The following RBFOX1 variants were observed in gnomAD, a reference collection of about 807,000 sequenced individuals.
RBFOX1 encodes the protein RNA binding protein fox-1 homolog 1.
RBFOX1 carries 8 observed loss-of-function variants against 57.7 expected under a neutral mutation model. That is an observed-to-expected ratio of 0.14 (90% CI 0.08 to 0.25). RBFOX1 has a LOEUF of 0.25. Ranked by LOEUF, RBFOX1 falls within the 10% of genes least tolerant of loss-of-function variation. The probability of loss-of-function intolerance (pLI) is 1.00; values close to 1 mark genes in which losing one functional copy is unlikely to be tolerated. For missense variants in RBFOX1, 611 were observed against 548.5 expected (o/e 1.11, Z -1.14); for synonymous variants, 326 against 222.4 (o/e 1.47, Z -4.15).
At chr16:5,433,227 T>C (rs986318115) in intron 1 of RBFOX1, among the ~76,000 whole-genome samples, 1 of 152,142 alleles carries the variant, frequency 6.6e-6, no homozygotes, top group Non-Finnish European at 1.5e-5. Context: ...TTGGAAGCTG[T>C]TACGGTGCAG....
At chr16:5,790,874 GT>G (rs199561677) in intron 3 of RBFOX1, among the ~76,000 whole-genome samples, 49,624 of 137,762 alleles carry the variant, frequency 0.36, 8,886 homozygotes, top group East Asian at 0.55. Flanking sequence ...TTTTTTTTTT[GT>G]TTTTTTTTTT....
At position 6,058,593 on chromosome 16, in the gene RBFOX1, C is replaced by T. The variant is rs139417231; in HGVS notation, c.-127+38601C>T. On this transcript the variant is annotated intron_variant, in intron 1 of 15. Transcript: ENST00000550418. The stretch of plus-strand genomic sequence containing the variant: ...ATCCATGTATTCATCCATCTATCTA[C>T]CCACCCATCCACCCATCCATCCACC... 4.9e-3 allele frequency among the ~76,000 whole-genome samples: 749 copies of T among 151,810 alleles called. 2 individuals carry two copies. Among genetic ancestry groups the T allele is most frequent in the South Asian group, 0.012 (57 of 4,806 alleles).
chr16:6,234,146 A>G (rs994134757), intron 1 of RBFOX1, among the ~76,000 whole-genome samples: 1 of 152,082 alleles, frequency 6.6e-6, no homozygotes, highest in Non-Finnish European at 1.5e-5. Context: ...CACCTCTTAA[A>G]GCCCCCACCT....
At chr16:5,568,902 G>C (rs540254627) in intron 2 of RBFOX1, among the ~76,000 whole-genome samples, 4 of 152,200 alleles carry the variant, frequency 2.6e-5, no homozygotes, top group African/African-American at 9.6e-5. Flanking sequence ...GTGCAGTGAC[G>C]CGATCTCAGA....
At chr16:5,760,272 G>C (rs944363756) in intron 3 of RBFOX1, among the ~76,000 whole-genome samples, 1 of 152,010 alleles carries the variant, frequency 6.6e-6, no homozygotes, top group African/African-American at 2.4e-5. Flanking sequence ...TAGGCACTAG[G>C]GGTAAATTGG....
intron 2 of RBFOX1, among the ~76,000 whole-genome samples, chr16:5,576,553 T>C (rs894639859): frequency 6.6e-6 from 1 of 152,226 alleles, no homozygotes; most frequent in Non-Finnish European, 1.5e-5. Context: ...TAAAGATGTG[T>C]ATCCTGCCCC....
intron 4 of RBFOX1, among the ~76,000 whole-genome samples, chr16:7,379,622 A>C (rs2097752674): frequency 6.6e-6 from 1 of 152,216 alleles, no homozygotes; most frequent in Admixed American, 6.5e-5. Context: ...TCTGTTGTAG[A>C]GGTGAGGCAG....
intron 2 of RBFOX1, among the ~76,000 whole-genome samples, chr16:6,601,604 C>G (rs1352133042): frequency 1.3e-5 from 2 of 152,124 alleles, no homozygotes; most frequent in African/African-American, 2.4e-5. Flanking sequence ...TTCCTCCATC[C>G]TATCCCCAGT....
intron 3 of RBFOX1, among the ~76,000 whole-genome samples, chr16:6,948,508 A>C (rs1163431338): frequency 6.8e-6 from 1 of 146,362 alleles, no homozygotes; most frequent in Non-Finnish European, 1.5e-5. Flanking sequence ...TCAGCCTCCC[A>C]AGTAGCTTGG....
rs59616300 is a variant in RBFOX1 at position 7,078,976 on chromosome 16, C to G, written c.27+26878C>G. On this transcript the variant is annotated intron_variant, in intron 4 of 15. Transcript: ENST00000550418. ...ACCCACCTTGGCCTCCCAACAAGAC[C>G]CTATTTTCAAATGAGGTCATATTGT... 7.1e-3 allele frequency among the ~76,000 whole-genome samples: 1,020 copies of G among 143,166 alleles called. 15 individuals carry two copies. Among genetic ancestry groups the G allele is most frequent in the East Asian group, 0.028 (123 of 4,332 alleles). 93.9% of individuals were successfully genotyped at this position (143,166 alleles called of 152,430 possible).
chr16:5,603,225 G>C (rs568883536), downstream of RBFOX1, among the ~76,000 whole-genome samples: 48 of 152,224 alleles, frequency 3.2e-4, no homozygotes, highest in Non-Finnish European at 5.9e-4. Context: ...ATAACAGCTA[G>C]CATCTTTGGG....
intron 3 of RBFOX1, among the ~76,000 whole-genome samples, chr16:7,018,064 C>G (rs1182760252): frequency 1.3e-5 from 2 of 152,030 alleles, no homozygotes; most frequent in Non-Finnish European, 1.5e-5. Flanking sequence ...GCCAGCTCCT[C>G]CAGCCAACCT....
At chr16:6,129,275 T>C (rs899245356) in intron 1 of RBFOX1, among the ~76,000 whole-genome samples, 1 of 152,068 alleles carries the variant, frequency 6.6e-6, no homozygotes, top group Non-Finnish European at 1.5e-5. Flanking sequence ...AAAGAGAAGA[T>C]TGTGTTACTT....
intron 1 of RBFOX1, among the ~76,000 whole-genome samples, chr16:6,185,886 A>C (rs1352035548): frequency 2.6e-5 from 4 of 152,192 alleles, no homozygotes; most frequent in Non-Finnish European, 4.4e-5. Flanking sequence ...GGAAGACAGG[A>C]ACCTTTCAGA....
At chr16:6,045,379 G>A (rs1227491098) in intron 1 of RBFOX1, among the ~76,000 whole-genome samples, 4 of 152,138 alleles carry the variant, frequency 2.6e-5, no homozygotes, top group East Asian at 1.9e-4. Context: ...TCTCTAGGAA[G>A]TAGGAAATTT....
chr16:6,809,763 A>G (rs947676332), intron 3 of RBFOX1, among the ~76,000 whole-genome samples: 3 of 151,842 alleles, frequency 2.0e-5, no homozygotes, highest in Non-Finnish European at 4.4e-5. Context: ...TGGGGCAATC[A>G]TAGAAAGCAG....
intron 4 of RBFOX1, among the ~76,000 whole-genome samples, chr16:7,220,678 C>T (rs1341191825): frequency 1.3e-5 from 2 of 152,106 alleles, no homozygotes; most frequent in East Asian, 1.9e-4. Flanking sequence ...GGGGGGATGG[C>T]AGTATTTCTC....
chr16:5,519,658 A>G (rs1386983560), intron 2 of RBFOX1, among the ~76,000 whole-genome samples: 1 of 152,156 alleles, frequency 6.6e-6, no homozygotes, highest in Non-Finnish European at 1.5e-5. Flanking sequence ...CCAGGAGGTC[A>G]AGGCTGCAGT....
chr16:7,693,401 C>G (rs199942869), intron 14 of RBFOX1: 1 of 1,443,982 alleles, frequency 6.9e-7, no homozygotes, highest in Non-Finnish European at 9.6e-7. Flanking sequence ...ATGCATCCAT[C>G]CAAGTCTCAG....
Sources: allele counts gnomAD v4.1 joint callset (sites outside exome capture counted in the v4.1 genomes callset), GRCh38; gene constraint gnomAD v4.1.1; transcripts MANE v1.5; gene names NCBI Gene and HGNC (gene_info 2026-07-23, HGNC 2026-07-21).